The following NEURL1B variants were observed in gnomAD, a reference collection of about 807,000 sequenced individuals.
NEURL1B encodes the protein E3 ubiquitin-protein ligase NEURL1B.
NEURL1B carries 13 observed loss-of-function variants against 37.4 expected under a neutral mutation model. That is an observed-to-expected ratio of 0.35 (90% CI 0.23 to 0.55). The LOEUF (loss-of-function observed/expected upper bound fraction) is 0.55, where lower values mean the gene tolerates loss of function less well. NEURL1B is among the 20% of genes least tolerant of loss of function. NEURL1B has a pLI of 0.89. For missense variants in NEURL1B, 790 were observed against 879.2 expected, an observed-to-expected ratio of 0.90 and a Z score of 1.28; for synonymous variants, 432 against 426.6, an observed-to-expected ratio of 1.01 and a Z score of -0.16.
chr5:172,645,227 T>G (rs1335105201), intron 1 of NEURL1B, among the ~76,000 whole-genome samples: 1 of 152,078 alleles, frequency 6.6e-6, no homozygotes, highest in African/African-American at 2.4e-5. Flanking sequence ...AAGTGGAGGC[T>G]CAGAGAGGTC....
intron 1 of NEURL1B, among the ~76,000 whole-genome samples, chr5:172,664,616 A>G (rs1757974507): frequency 6.6e-6 from 1 of 152,216 alleles, no homozygotes; most frequent in South Asian, 2.1e-4. Context: ...GATGATCCGC[A>G]GGGCCCTTGG....
intron 1 of NEURL1B, among the ~76,000 whole-genome samples, chr5:172,663,538 A>AT (rs1757944376): frequency 9.3e-6 from 1 of 107,352 alleles, no homozygotes; most frequent in South Asian, 3.3e-4. Context: ...AAAAAAAAAA[A>AT]AAAAGCCATG....
Position 172,686,834 on chromosome 5 carries a change from G to GCTGCGGC in NEURL1B, c.1585_1591dup (p.Leu531ProfsTer23). On this transcript the variant is annotated frameshift_variant, in exon 5 of 5. Transcript: ENST00000369800. LOFTEE classifies it high-confidence loss of function. The surrounding 1 kb of genome is among the most constrained non-coding windows in gnomAD (Gnocchi z 7.9). ...TGTGGACACATGTGCCTGTGCCACA[G>GCTGCGGC]CTGCGGCCTGCGGCTCAAGCGACAG... 6.4e-7 allele frequency: 1 copy of GCTGCGGC among 1,551,344 alleles called. No homozygotes were observed. The highest frequency in any genetic ancestry group is 8.7e-7 in the Non-Finnish European group (1 of 1,147,100).
chr5:172,660,207 C>CT (rs1458168462), intron 1 of NEURL1B, among the ~76,000 whole-genome samples: 14 of 152,336 alleles, frequency 9.2e-5, no homozygotes, highest in African/African-American at 3.4e-4. Context: ...TCCTGGGTCC[C>CT]TTTATCAAGA....
chr5:172,642,313 A>G (rs776721734), intron 1 of NEURL1B, among the ~76,000 whole-genome samples: 2 of 152,216 alleles, frequency 1.3e-5, no homozygotes, highest in Non-Finnish European at 2.9e-5. Context: ...TCACACAGCT[A>G]GTAGTGGGAG....
In NEURL1B at chr5:172,665,828, A is replaced by T. The variant is rs1340652045; in HGVS notation, c.32-3957A>T. On this transcript the variant is annotated intron_variant, in intron 1 of 4. Coordinates refer to ENST00000369800, the MANE Select transcript of NEURL1B (RefSeq NM_001142651.3). The surrounding 1 kb of genome is among the most constrained non-coding windows in gnomAD (Gnocchi z 4.1). ...AGTCCAGGGCCTCCTCCAGGCCCCT[A>T]GTCCCCCCGGTGCCATCGCCTGAGA... 6.6e-6 allele frequency among the ~76,000 whole-genome samples: 1 copy of T among 151,852 alleles called. No homozygotes were observed. The highest frequency in any genetic ancestry group is 1.5e-5 in the Non-Finnish European group (1 of 68,008).
At chr5:172,644,455 A>G (rs377767027) in intron 1 of NEURL1B, among the ~76,000 whole-genome samples, 20 of 152,340 alleles carry the variant, frequency 1.3e-4, no homozygotes, top group African/African-American at 3.6e-4. Flanking sequence ...TGCACGTGGC[A>G]TGCTACACTA....
At chr5:172,680,201 G>A (rs1381754503) in intron 2 of NEURL1B, among the ~76,000 whole-genome samples, 1 of 152,128 alleles carries the variant, frequency 6.6e-6, no homozygotes, top group Non-Finnish European at 1.5e-5. Context: ...CCATAACATG[G>A]GGGTGTTTAC....
At chr5:172,685,830 G>T (rs1758481389) in intron 3 of NEURL1B, among the ~76,000 whole-genome samples, 1 of 152,146 alleles carries the variant, frequency 6.6e-6, no homozygotes, top group African/African-American at 2.4e-5. Flanking sequence ...TTGGGTCTCG[G>T]GCCTTACGGG....
chr5:172,668,498 CCCTCTT>C (rs1228470488), intron 1 of NEURL1B, among the ~76,000 whole-genome samples: 1 of 152,178 alleles, frequency 6.6e-6, no homozygotes, highest in Non-Finnish European at 1.5e-5. Context: ...CATTGCCTCT[CCCTCTT>C]CATTTTCCCC....
Position 172,641,354 on chromosome 5 carries a change from T to TA in NEURL1B, c.-52dup. On this transcript the variant is annotated 5_prime_UTR_variant, in exon 1 of 5. Transcript: ENST00000369800. This position sits in a 1 kb window ranked among gnomAD's most constrained non-coding sequence, Gnocchi z 6.4. ...CCTGGTCCCTGGCCCGCCGCGTAATTAGCCTCCGCGCGCCCAGAGCGCGCC... is the reference window on the plus strand; with the variant it reads ...CCTGGTCCCTGGCCCGCCGCGTAATTAAGCCTCCGCGCGCCCAGAGCGCGCC... The TA allele has an allele frequency of 7.3e-7, 1 of 1,376,322 alleles. No homozygotes were observed. Among genetic ancestry groups the TA allele is most frequent in the Admixed American group, 3.0e-5 (1 of 33,346 alleles). The allele number at this position is 1,376,322 out of a possible 1,614,324, so 85.3% of individuals were successfully genotyped here. A position where few individuals can be genotyped will look rare whatever the true frequency, so the allele number is the denominator to read the frequency against.
At chr5:172,643,683 G>A (rs925015132) in intron 1 of NEURL1B, among the ~76,000 whole-genome samples, 1 of 152,200 alleles carries the variant, frequency 6.6e-6, no homozygotes, top group African/African-American at 2.4e-5. Flanking sequence ...GAGCTCGAAT[G>A]TTGCCTGAAT....
Position 172,676,379 on chromosome 5 carries a change from G to A in NEURL1B, c.577+6049G>A, listed in dbSNP as rs1758233112. Among the ~76,000 whole-genome samples the A allele has an allele frequency of 6.6e-6, 1 of 152,180 alleles. No homozygotes were observed. Among genetic ancestry groups the A allele is most frequent in the Non-Finnish European group, 1.5e-5 (1 of 68,036 alleles). On this transcript the variant is annotated intron_variant, in intron 2 of 4. Coordinates refer to ENST00000369800, the MANE Select transcript of NEURL1B (RefSeq NM_001142651.3). This position sits in a 1 kb window ranked among gnomAD's most constrained non-coding sequence, Gnocchi z 4.5. ...CAGCATTTCCAGTCTTGCATCCCAC[G>A]AGCTTAACAAATCCAACAGAAGAGC... is the stretch of plus-strand genomic sequence containing the variant.
intron 1 of NEURL1B, among the ~76,000 whole-genome samples, chr5:172,666,223 C>T (rs1758012554): frequency 6.6e-6 from 1 of 152,068 alleles, no homozygotes; most frequent in East Asian, 1.9e-4. Context: ...GCTGGGATCA[C>T]ACACACCTGG....
intron 2 of NEURL1B, among the ~76,000 whole-genome samples, chr5:172,682,055 C>CA (rs1758362965): frequency 6.6e-6 from 1 of 152,298 alleles, no homozygotes; most frequent in Admixed American, 6.5e-5. Flanking sequence ...ATTTGCCAAG[C>CA]CCTGAGAACA....
chr5:172,670,933 C>T (rs1412575180), intron 2 of NEURL1B, among the ~76,000 whole-genome samples: 1 of 152,218 alleles, frequency 6.6e-6, no homozygotes, highest in Admixed American at 6.5e-5. Flanking sequence ...GGGAGGCTGA[C>T]AGGTGTGAGC....
chr5:172,680,652 A>G (rs181588335), intron 2 of NEURL1B, among the ~76,000 whole-genome samples: 142 of 152,362 alleles, frequency 9.3e-4, no homozygotes, highest in African/African-American at 3.2e-3. Context: ...CTAGAAAACT[A>G]TAAGAAGCAA....
Position 172,669,975 on chromosome 5 carries a change from G to A in NEURL1B, c.222G>A (p.Arg74=). Residue 74 remains arginine, a synonymous_variant, in exon 2 of 5, where the codon CGG becomes CGA. Coordinates refer to ENST00000369800, the MANE Select transcript of NEURL1B (RefSeq NM_001142651.3). ...SFCNGVTFTQ[R]PIRLYEQVRL... ...GCAATGGCGTCACGTTCACGCAGCG[G>A]CCCATCCGGCTGTACGAGCAGGTGC... The A allele has an allele frequency of 1.4e-6, 2 of 1,460,568 alleles. No homozygotes were observed. Among genetic ancestry groups the A allele is most frequent in the South Asian group, 2.7e-5 (2 of 72,946 alleles). 90.5% of individuals were successfully genotyped at this position (1,460,568 alleles called of 1,614,324 possible).
chr5:172,687,073 A>C lies in NEURL1B; in HGVS notation c.*148A>C. On this transcript the variant is annotated 3_prime_UTR_variant, in exon 5 of 5. Transcript: ENST00000369800. ...GTGTGACAGTCGTGGAGCGAGGCCCACAGGGCCTCAGCCCAGGCAGGGGTT... is the reference window on the plus strand; with the variant it reads ...GTGTGACAGTCGTGGAGCGAGGCCCCCAGGGCCTCAGCCCAGGCAGGGGTT... 1 of 951,094 alleles carries C rather than the reference A, an allele frequency of 1.1e-6. No individual in the cohort carries two copies. The highest frequency in any genetic ancestry group is 2.7e-5 in the East Asian group (1 of 37,538). The allele number at this position is 951,094 out of a possible 1,614,324, so 58.9% of individuals were successfully genotyped here.
Sources: gnomAD v4.1 joint callset for allele counts (sites outside exome capture counted in the v4.1 genomes callset) on GRCh38, gnomAD v4.1.1 for gene constraint, Gnocchi (gnomAD v3.1) non-coding constraint, MANE v1.5 for transcripts, NCBI Gene and HGNC (gene_info 2026-07-23, HGNC 2026-07-21) for gene names.